The following CNTN4 variants were observed in gnomAD, a reference collection of about 807,000 sequenced individuals.
The protein encoded by CNTN4 is contactin-4.
Under a neutral mutation model 122.5 loss-of-function variants are expected in CNTN4, and 77 were observed. The ratio of observed to expected loss-of-function variants is 0.63; its 90% CI spans 0.52 to 0.76. The LOEUF (loss-of-function observed/expected upper bound fraction) is 0.76, where lower values mean the gene tolerates loss of function less well. Ranked by LOEUF, CNTN4 falls within the 30% of genes least tolerant of loss-of-function variation. The pLI, the probability that CNTN4 is intolerant of heterozygous loss-of-function variation, is 0.00. For missense variants in CNTN4, 1,256 were observed against 1,259.1 expected (o/e 1.00, Z 0.04); for synonymous variants, 512 against 447.0 (o/e 1.15, Z -1.83).
intron 23 of CNTN4, among the ~76,000 whole-genome samples, chr3:3,045,996 G>A (rs1384160217): frequency 6.6e-6 from 1 of 152,244 alleles, no homozygotes; most frequent in African/African-American, 2.4e-5. Context: ...AGCTTCAGTA[G>A]CCAATTCGAT....
chr3:2,549,627 C>T (rs535431797), intron 3 of CNTN4, among the ~76,000 whole-genome samples: 8 of 152,188 alleles, frequency 5.3e-5, no homozygotes, highest in Admixed American at 2.6e-4. Flanking sequence ...ATTTTCACAT[C>T]GGTGTTCAGC....
At chr3:2,518,567 A>G (rs2077106203) in intron 3 of CNTN4, among the ~76,000 whole-genome samples, 1 of 152,172 alleles carries the variant, frequency 6.6e-6, no homozygotes, top group African/African-American at 2.4e-5. Flanking sequence ...TCAAGGTATG[A>G]AATAAATACC....
At chr3:3,028,119 C>T (rs959701448) in intron 15 of CNTN4, among the ~76,000 whole-genome samples, 3 of 152,152 alleles carry the variant, frequency 2.0e-5, no homozygotes, top group South Asian at 2.1e-4. Context: ...ATTTCAGCTT[C>T]GACTTCCTGG....
At chr3:2,174,568 C>T (rs187454087) in intron 2 of CNTN4, among the ~76,000 whole-genome samples, 149 of 152,230 alleles carry the variant, frequency 9.8e-4, no homozygotes, top group Non-Finnish European at 1.7e-3. Flanking sequence ...AAAAGGGTTC[C>T]ACCCTCATGA....
At chr3:2,323,860 A>G (rs1306471817) in intron 2 of CNTN4, among the ~76,000 whole-genome samples, 2 of 152,198 alleles carry the variant, frequency 1.3e-5, no homozygotes, top group Non-Finnish European at 2.9e-5. Flanking sequence ...GGGCTCTATA[A>G]TATGCTTGTG....
At chr3:2,616,325 T>C (rs1380515289) in intron 4 of CNTN4, among the ~76,000 whole-genome samples, 2 of 152,234 alleles carry the variant, frequency 1.3e-5, no homozygotes, top group Admixed American at 6.5e-5. Context: ...TTTTTATGGC[T>C]GCATAGTATT....
intron 7 of CNTN4, among the ~76,000 whole-genome samples, chr3:2,839,274 C>A (rs952673363): frequency 7.2e-5 from 11 of 152,100 alleles, no homozygotes; most frequent in Admixed American, 7.2e-4. Context: ...AAAAAGAATT[C>A]TCTGAAGTAA....
intron 2 of CNTN4, among the ~76,000 whole-genome samples, chr3:2,178,598 A>G (rs2036860285): frequency 6.6e-6 from 1 of 152,128 alleles, no homozygotes; most frequent in Non-Finnish European, 1.5e-5. Context: ...GTAGTAAAAT[A>G]GTATGTGAAG....
At chr3:2,617,243 G>A (rs2081792355) in intron 4 of CNTN4, among the ~76,000 whole-genome samples, 1 of 151,972 alleles carries the variant, frequency 6.6e-6, no homozygotes, top group African/African-American at 2.4e-5. Context: ...ATCTACCCAT[G>A]TGACAAAGGC....
chr3:2,426,525 A>T (rs1368887165), intron 3 of CNTN4, among the ~76,000 whole-genome samples: 1 of 151,060 alleles, frequency 6.6e-6, no homozygotes, highest in African/African-American at 2.4e-5. Context: ...TTGGTCTGAA[A>T]TTCTCTTTTT....
intron 13 of CNTN4, among the ~76,000 whole-genome samples, chr3:2,979,943 C>T (rs1364536545): frequency 2.6e-5 from 4 of 152,152 alleles, no homozygotes; most frequent in African/African-American, 9.7e-5. Context: ...GGATAATCCT[C>T]CTCTTTTGGG....
At chr3:2,563,621 A>C (rs913589824) in intron 3 of CNTN4, among the ~76,000 whole-genome samples, 2 of 152,172 alleles carry the variant, frequency 1.3e-5, no homozygotes, top group African/African-American at 4.8e-5. Flanking sequence ...CATAAGCTTC[A>C]TATGTATGGA....
At chr3:2,470,418 G>A (rs1007574960) in intron 3 of CNTN4, among the ~76,000 whole-genome samples, 2 of 152,016 alleles carry the variant, frequency 1.3e-5, no homozygotes, top group East Asian at 1.9e-4. Flanking sequence ...ATAGTTTTAC[G>A]CTTCTCAACA....
chr3:3,003,071 A>T (rs1175660590), intron 14 of CNTN4, among the ~76,000 whole-genome samples: 1 of 152,202 alleles, frequency 6.6e-6, no homozygotes, highest in Non-Finnish European at 1.5e-5. Flanking sequence ...GATTTTACAC[A>T]GTATGGCCAC....
intron 3 of CNTN4, among the ~76,000 whole-genome samples, chr3:2,545,750 C>T (rs188157421): frequency 6.6e-6 from 1 of 151,826 alleles, no homozygotes; most frequent in East Asian, 1.9e-4. Context: ...TATCTTGAGC[C>T]TGTGAGTGTT....
chr3:3,048,244 C>A (rs1010991636), intron 23 of CNTN4, among the ~76,000 whole-genome samples: 23 of 151,660 alleles, frequency 1.5e-4, no homozygotes, highest in South Asian at 1.0e-3. Context: ...AAAAAACACA[C>A]AAAAAAATAC....
intron 4 of CNTN4, among the ~76,000 whole-genome samples, chr3:2,677,831 T>C (rs1377787827): frequency 1.3e-5 from 2 of 152,142 alleles, no homozygotes; most frequent in Non-Finnish European, 2.9e-5. Context: ...ATGCATCTTA[T>C]CATGCACAAG....
chr3:2,682,321 T>G (rs947304393), intron 4 of CNTN4, among the ~76,000 whole-genome samples: 2 of 152,210 alleles, frequency 1.3e-5, no homozygotes, highest in African/African-American at 4.8e-5. Flanking sequence ...AAGGACCTCT[T>G]CATGGAAAAG....
chr3:2,927,176 T>G (rs931373790), intron 13 of CNTN4: 3 of 311,104 alleles, frequency 9.6e-6, no homozygotes, highest in African/African-American at 6.5e-5. Context: ...TCAAAAATCA[T>G]GAATGAATAA....
Sources: gnomAD v4.1 joint callset for allele counts (sites outside exome capture counted in the v4.1 genomes callset) on GRCh38, gnomAD v4.1.1 for gene constraint, MANE v1.5 for transcripts, NCBI Gene and HGNC (gene_info 2026-07-23, HGNC 2026-07-21) for gene names.